ATP6V1E2: variants seen among roughly 807,000 people sequenced by gnomAD.
ATP6V1E2 encodes the protein V-type proton ATPase subunit E 2.
For synonymous variants in ATP6V1E2, 121 were observed against 104.2 expected, an observed-to-expected ratio of 1.16 and a Z score of -0.98; for missense variants, 308 against 273.3, an observed-to-expected ratio of 1.13 and a Z score of -0.90.
chr2:46,524,988 T>C (rs1045711502), intron 4 of ATP6V1E2, among the ~76,000 whole-genome samples: 2 of 151,600 alleles, frequency 1.3e-5, no homozygotes, highest in Admixed American at 6.6e-5. Flanking sequence ...CTGGGGGTGG[T>C]GGGGGCAGGA....
At position 46,511,999 on chromosome 2, in the gene ATP6V1E2, G is replaced by C; in HGVS notation, c.*32C>G. ...AAAAAACTTAAACTTTTATGGTTTAGTGGTTCAACACTAGCTTCACTTCCC... is the reference window on the plus strand; with the variant it reads ...AAAAAACTTAAACTTTTATGGTTTACTGGTTCAACACTAGCTTCACTTCCC... On this transcript the variant is annotated 3_prime_UTR_variant, in exon 5 of 5. Transcript: ENST00000522587. 6.6e-7 allele frequency: 1 copy of C among 1,525,784 alleles called. No individual in the cohort carries two copies. Among genetic ancestry groups the C allele is most frequent in the Non-Finnish European group, 8.8e-7 (1 of 1,139,442 alleles). 94.5% of individuals were successfully genotyped at this position (1,525,784 alleles called of 1,614,324 possible).
At chr2:46,522,269 C>A (rs1254838272) in intron 4 of ATP6V1E2, among the ~76,000 whole-genome samples, 3 of 141,310 alleles carry the variant, frequency 2.1e-5, no homozygotes, top group Admixed American at 7.0e-5. Context: ...GGGCGACAGA[C>A]GGAGACTCTG....
rs574939444 is a variant in ATP6V1E2, at chr2:46,533,851, A to C, written c.-102+1962T>G. On this transcript the variant is annotated intron_variant, in intron 4 of 4. Coordinates refer to ENST00000522587, the MANE Select transcript of ATP6V1E2 (RefSeq NM_001318063.2). The stretch of plus-strand genomic sequence containing the variant: ...GGTGGATATAGAATTCTAGATTGAC[A>C]GTGCTTTCTTTTTCTTTTATCACTT... Among the ~76,000 whole-genome samples the C allele has an allele frequency of 1.2e-3, 185 of 152,354 alleles. 1 individual carries two copies. The highest frequency in any genetic ancestry group is 4.0e-3 in the African/African-American group (168 of 41,582).
At chr2:46,526,340 C>G (rs1055006885) in intron 4 of ATP6V1E2, among the ~76,000 whole-genome samples, 1 of 152,064 alleles carries the variant, frequency 6.6e-6, no homozygotes, top group Non-Finnish European at 1.5e-5. Context: ...GTCTTGAACT[C>G]CTGGACCTTC....
At position 46,530,851 on chromosome 2, in the gene ATP6V1E2, C is replaced by T. The variant is rs1667147487; in HGVS notation, c.-102+4962G>A. On this transcript the variant is annotated intron_variant, in intron 4 of 4. Coordinates refer to ENST00000522587, the MANE Select transcript of ATP6V1E2 (RefSeq NM_001318063.2). This position sits in a 1 kb window ranked among gnomAD's most constrained non-coding sequence, Gnocchi z 5.2. Reference sequence around the variant, plus strand: ...TGTAAAACCATCAGATCTCATGAGACTTATTCACTAGCGCAAGAACAGCAC... The same window carrying T: ...TGTAAAACCATCAGATCTCATGAGATTTATTCACTAGCGCAAGAACAGCAC... Among the ~76,000 whole-genome samples, 1 of 152,196 alleles carries T rather than the reference C, an allele frequency of 6.6e-6. No individual in the cohort carries two copies. The highest frequency in any genetic ancestry group is 2.4e-5 in the African/African-American group (1 of 41,440).
Position 46,512,616 on chromosome 2 carries a change from G to T in ATP6V1E2, c.96C>A (p.Ala32=). 1 of 1,614,146 alleles carries T rather than the reference G, an allele frequency of 6.2e-7. No individual in the cohort carries two copies. The highest frequency in any genetic ancestry group is 2.2e-5 in the East Asian group (1 of 44,888). Residue 32 remains alanine, a synonymous_variant, in exon 5 of 5, where the codon GCC becomes GCA. Transcript: ENST00000522587. ...EANEKAEEID[A]KAEEEFNIEK... is the part of the protein sequence containing the mutation. ...CAATGTTAAACTCTTCCTCAGCCTT[G>T]GCATCGATTTCCTCTGCTTTCTCAT... is the stretch of plus-strand genomic sequence containing the variant.
At chr2:46,541,198 G>A (rs1439165053) in intron 2 of ATP6V1E2, among the ~76,000 whole-genome samples, 192 bp downstream of exon 2, 3 of 152,214 alleles carry the variant, frequency 2.0e-5, no homozygotes, top group Non-Finnish European at 4.4e-5. Flanking sequence ...AGTAGCAGAG[G>A]CCGGTCTTGA....
chr2:46,512,435 C>G lies in ATP6V1E2; in HGVS notation c.277G>C (p.Asp93His), dbSNP rs1476597253. The G allele has an allele frequency of 1.2e-6, 2 of 1,614,068 alleles. No homozygotes were observed. Among genetic ancestry groups the G allele is most frequent in the Non-Finnish European group, 1.7e-6 (2 of 1,180,040 alleles). Residue 93 changes from aspartate to histidine, a missense_variant, in exon 5 of 5, where the codon GAT (aspartate) becomes CAT (histidine). Transcript: ENST00000522587. Reference protein sequence around the residue: ...VLRARNDLISDLLSEAKLRLS... With the variant: ...VLRARNDLISHLLSEAKLRLS... Reference sequence around the variant, plus strand: ...CTCAGCTTCGCCTCACTGAGCAAATCTGAGATGAGGTCATTTCGGGCTCTC... The same window carrying G: ...CTCAGCTTCGCCTCACTGAGCAAATGTGAGATGAGGTCATTTCGGGCTCTC...
intron 4 of ATP6V1E2, chr2:46,518,802 G>C (rs1354982475): frequency 8.8e-6 from 1 of 114,170 alleles, no homozygotes; most frequent in Non-Finnish European, 1.9e-5. Context: ...GTGTGTGTGT[G>C]TGTGTGTGTT....
intron 4 of ATP6V1E2, among the ~76,000 whole-genome samples, chr2:46,528,252 A>G (rs1310246951): frequency 1.3e-5 from 2 of 152,264 alleles, no homozygotes; most frequent in South Asian, 2.1e-4. Context: ...AAAATATTTG[A>G]GAAACACTGC....
At chr2:46,514,998 A>T in intron 4 of ATP6V1E2, among the ~76,000 whole-genome samples, 1 of 152,204 alleles carries the variant, frequency 6.6e-6, no homozygotes, top group Non-Finnish European at 1.5e-5. Context: ...GGGCTGAAAA[A>T]AAAACCCTGC....
At chr2:46,541,185 G>A (rs1349119382) in intron 2 of ATP6V1E2, among the ~76,000 whole-genome samples, 1 of 152,220 alleles carries the variant, frequency 6.6e-6, no homozygotes, top group African/African-American at 2.4e-5. Flanking sequence ...CTCTCTAAGA[G>A]CAAGTAGCAG....
At chr2:46,515,617 C>T (rs992075661) in intron 4 of ATP6V1E2, among the ~76,000 whole-genome samples, 7 of 151,990 alleles carry the variant, frequency 4.6e-5, no homozygotes, top group African/African-American at 9.6e-5. Context: ...GACAAAAAGC[C>T]GTGAGACAAA....
chr2:46,512,280 C>A lies in ATP6V1E2; in HGVS notation c.432G>T (p.Val144=). The part of the protein sequence containing the change: ...VRCRPQDLLL[V]EAAVQKAIPE... ...GGATGGCTTTTTGTACAGCAGCCTC[C>A]ACCAGGAGGAGGTCTTGTGGCCGGC... The change falls in exon 5 of 5, where the codon GTG becomes GTT. Residue 144 remains valine, a synonymous_variant. Transcript: ENST00000522587. 6.2e-7 allele frequency: 1 copy of A among 1,611,578 alleles called. No homozygotes were observed. Among genetic ancestry groups the A allele is most frequent in the Admixed American group, 1.7e-5 (1 of 59,808 alleles).
chr2:46,524,433 T>G (rs1465200237), intron 4 of ATP6V1E2, among the ~76,000 whole-genome samples: 1 of 152,122 alleles, frequency 6.6e-6, no homozygotes, highest in African/African-American at 2.4e-5. Context: ...ATGTAGAAAG[T>G]TGGTAGTATT....
At chr2:46,517,383 G>C (rs1453353938) in intron 4 of ATP6V1E2, among the ~76,000 whole-genome samples, 1 of 152,170 alleles carries the variant, frequency 6.6e-6, no homozygotes. Context: ...AAAATTCCTA[G>C]AAAGAAACAA....
At chr2:46,532,972 G>T (rs929506576) in intron 4 of ATP6V1E2, among the ~76,000 whole-genome samples, 1 of 151,388 alleles carries the variant, frequency 6.6e-6, no homozygotes, top group Admixed American at 6.6e-5. Flanking sequence ...TATCCCTTTT[G>T]TTATTATTGT....
At chr2:46,523,588 A>T (rs762741397) in intron 4 of ATP6V1E2, among the ~76,000 whole-genome samples, 2 of 152,026 alleles carry the variant, frequency 1.3e-5, no homozygotes, top group Non-Finnish European at 2.9e-5. Flanking sequence ...CCATTGGCCT[A>T]TATGTCTGTT....
chr2:46,523,445 T>C lies in ATP6V1E2; in HGVS notation c.-101-10633A>G, dbSNP rs111661271. On this transcript the variant is annotated intron_variant, in intron 4 of 4. Coordinates refer to ENST00000522587, the MANE Select transcript of ATP6V1E2 (RefSeq NM_001318063.2). ...TAAGGAAGGGGTCCAGTTTCAGTTTTCTGCATATGGCTAGTCAGTTTTCCC... is the reference window on the plus strand; with the variant it reads ...TAAGGAAGGGGTCCAGTTTCAGTTTCCTGCATATGGCTAGTCAGTTTTCCC... Among the ~76,000 whole-genome samples the C allele has an allele frequency of 4.8e-3, 727 of 152,352 alleles. 15 individuals carry two copies. Among genetic ancestry groups the C allele is most frequent in the African/African-American group, 0.017 (695 of 41,580 alleles).
Sources: gnomAD v4.1 joint callset for allele counts (sites outside exome capture counted in the v4.1 genomes callset) on GRCh38, gnomAD v4.1.1 for gene constraint, Gnocchi (gnomAD v3.1) non-coding constraint, MANE v1.5 for transcripts, NCBI Gene and HGNC (gene_info 2026-07-23, HGNC 2026-07-21) for gene names.